Variants in SLC24A2 observed in about 807,000 individuals in gnomAD.
SLC24A2 encodes the protein sodium/potassium/calcium exchanger 2.
In SLC24A2, 36 loss-of-function variants were observed where a neutral mutation model predicts 62.0. That is an observed-to-expected ratio of 0.58 (90% CI 0.44 to 0.77). The LOEUF (loss-of-function observed/expected upper bound fraction) is 0.77, where lower values mean the gene tolerates loss of function less well. Among genes scored for constraint, SLC24A2 ranks in the 30% least tolerant of loss-of-function variants. The pLI, the probability that SLC24A2 is intolerant of heterozygous loss-of-function variation, is 0.00. For synonymous variants in SLC24A2, 358 were observed against 294.0 expected, an observed-to-expected ratio of 1.22 and a Z score of -2.23; for missense variants, 846 against 817.9, an observed-to-expected ratio of 1.03 and a Z score of -0.42.
intron 4 of SLC24A2, among the ~76,000 whole-genome samples, chr9:19,601,943 C>A (rs1836853602): frequency 6.6e-6 from 1 of 152,104 alleles, no homozygotes; most frequent in Non-Finnish European, 1.5e-5. Context: ...GACTTTAGTG[C>A]ATCAGTTGGT....
intron 8 of SLC24A2, among the ~76,000 whole-genome samples, chr9:19,533,155 A>G (rs554849599): frequency 1.3e-5 from 2 of 152,340 alleles, no homozygotes; most frequent in African/African-American, 2.4e-5. Context: ...CTCTGAAACT[A>G]TAAGTATACA....
At chr9:19,880,914 T>A in the SLC24A2 span, among the ~76,000 whole-genome samples, 1 of 152,182 alleles carries the variant, frequency 6.6e-6, no homozygotes, top group East Asian at 1.9e-4. Context: ...TAAAAGCAGC[T>A]ACTCTGGAGC....
At chr9:20,017,016 CTTTT>C in the SLC24A2 span, among the ~76,000 whole-genome samples, 1 of 152,146 alleles carries the variant, frequency 6.6e-6, no homozygotes, top group Non-Finnish European at 1.5e-5. Flanking sequence ...ATTAATCCTA[CTTTT>C]TATTTTATTT....
In SLC24A2 at chr9:19,513,175, T is replaced by TATA. The variant is rs1491372485; in HGVS notation, c.*2977_*2978insTAT. On this transcript the variant is annotated 3_prime_UTR_variant, in exon 11 of 11. Coordinates refer to ENST00000341998, the MANE Select transcript of SLC24A2 (RefSeq NM_020344.4). ...AAAGATATATATATATATATATATA[T>TATA]GTATATATATATATATGTATATATT... is the stretch of plus-strand genomic sequence containing the variant. 1.7e-5 allele frequency: 1 copy of TATA among 59,006 alleles called. No homozygotes were observed. Among genetic ancestry groups the TATA allele is most frequent in the African/African-American group, 6.6e-5 (1 of 15,058 alleles). The allele number at this position is 59,006 out of a possible 1,614,324, so 3.7% of individuals were successfully genotyped here.
chr9:19,908,434 T>G, the SLC24A2 span, among the ~76,000 whole-genome samples: 1 of 152,044 alleles, frequency 6.6e-6, no homozygotes, highest in Non-Finnish European at 1.5e-5. Context: ...GGCAAGGACT[T>G]CATGTCTAAA....
chr9:19,972,913 C>T, the SLC24A2 span, among the ~76,000 whole-genome samples: 1 of 152,154 alleles, frequency 6.6e-6, no homozygotes, highest in Non-Finnish European at 1.5e-5. Context: ...TCCAACTTGA[C>T]TCTACCTGCC....
chr9:19,705,767 T>C (rs1820495988), intron 2 of SLC24A2: 1 of 153,740 alleles, frequency 6.5e-6, no homozygotes, highest in Non-Finnish European at 1.5e-5. Context: ...TAATCCTGAG[T>C]TCTAGTTTGA....
the SLC24A2 span, among the ~76,000 whole-genome samples, chr9:20,205,362 G>C: frequency 6.6e-6 from 1 of 151,940 alleles, no homozygotes; most frequent in African/African-American, 2.4e-5. Context: ...TAAAAACTAA[G>C]GTTAGGCCGG....
At chr9:20,002,254 A>G in the SLC24A2 span, among the ~76,000 whole-genome samples, 2 of 152,088 alleles carry the variant, frequency 1.3e-5, no homozygotes, top group Admixed American at 6.6e-5. Flanking sequence ...TTGAGCCAGC[A>G]CTGATGTACC....
At chr9:20,106,449 A>G in the SLC24A2 span, among the ~76,000 whole-genome samples, 1 of 152,248 alleles carries the variant, frequency 6.6e-6, no homozygotes, top group African/African-American at 2.4e-5. Flanking sequence ...AAAATCCTCA[A>G]TAAAATACTG....
chr9:19,580,232 T>C (rs899337213), intron 5 of SLC24A2, among the ~76,000 whole-genome samples: 2 of 152,334 alleles, frequency 1.3e-5, no homozygotes, highest in East Asian at 1.9e-4. Context: ...GCAACTAATA[T>C]GACCTGGCAG....
chr9:19,964,084 T>C, the SLC24A2 span, among the ~76,000 whole-genome samples: 16 of 151,446 alleles, frequency 1.1e-4, no homozygotes, highest in African/African-American at 2.9e-4. Flanking sequence ...ATGGATGAAA[T>C]TGGAAATCAT....
intron 9 of SLC24A2, among the ~76,000 whole-genome samples, chr9:19,527,485 C>A (rs1002758706): frequency 9.9e-5 from 15 of 152,182 alleles, no homozygotes; most frequent in African/African-American, 3.4e-4. Context: ...CCACTATTAT[C>A]TTTGAAAATG....
At chr9:20,238,862 C>G in the SLC24A2 span, among the ~76,000 whole-genome samples, 1 of 152,180 alleles carries the variant, frequency 6.6e-6, no homozygotes, top group Non-Finnish European at 1.5e-5. Flanking sequence ...CTTAATAGAA[C>G]TAGTGGCCTT....
intron 2 of SLC24A2, among the ~76,000 whole-genome samples, chr9:19,782,710 C>T (rs1218529406): frequency 6.6e-6 from 1 of 152,178 alleles, no homozygotes; most frequent in African/African-American, 2.4e-5. Flanking sequence ...AAGGCATTAA[C>T]ATTCATTGAA....
intron 5 of SLC24A2, 36 bp downstream of exon 5, chr9:19,597,193 A>T (rs777028732): frequency 7.0e-7 from 1 of 1,428,734 alleles, no homozygotes; most frequent in East Asian, 2.3e-5. Flanking sequence ...ATAAATGTAA[A>T]AAAGCCAATG....
the SLC24A2 span, among the ~76,000 whole-genome samples, chr9:20,243,961 G>A: frequency 6.6e-6 from 1 of 152,122 alleles, no homozygotes; most frequent in Non-Finnish European, 1.5e-5. Context: ...GAGTGGGGAG[G>A]AGGGGGATCA....
chr9:20,073,259 G>C, the SLC24A2 span, among the ~76,000 whole-genome samples: 1 of 152,244 alleles, frequency 6.6e-6, no homozygotes, highest in East Asian at 1.9e-4. Flanking sequence ...TCAAGCTGTA[G>C]AAGTTATGGT....
the SLC24A2 span, among the ~76,000 whole-genome samples, chr9:20,095,970 T>C: frequency 6.6e-6 from 1 of 152,158 alleles, no homozygotes; most frequent in Non-Finnish European, 1.5e-5. Flanking sequence ...CCTCCATGAT[T>C]CAATTATTTC....
Sources: gnomAD v4.1 joint callset for allele counts (sites outside exome capture counted in the v4.1 genomes callset) on GRCh38, gnomAD v4.1.1 for gene constraint, MANE v1.5 for transcripts, NCBI Gene and HGNC (gene_info 2026-07-23, HGNC 2026-07-21) for gene names.